The following SNTB2 variants were observed in gnomAD, a reference collection of about 807,000 sequenced individuals.
SNTB2 encodes beta-2-syntrophin.
A neutral mutation model predicts 46.2 loss-of-function variants in SNTB2; 34 were observed. The ratio of observed to expected loss-of-function variants is 0.74; its 90% CI spans 0.56 to 0.98. SNTB2 has a LOEUF of 0.98. SNTB2 is among the 50% of genes least tolerant of loss of function. SNTB2 has a pLI of 0.00. For missense variants in SNTB2, 603 were observed against 731.4 expected (o/e 0.82, Z 2.02); for synonymous variants, 290 against 312.6 (o/e 0.93, Z 0.76).
intron 2 of SNTB2, among the ~76,000 whole-genome samples, chr16:69,252,951 G>A (rs1403544705): frequency 6.8e-6 from 1 of 146,926 alleles, no homozygotes; most frequent in Non-Finnish European, 1.5e-5. Flanking sequence ...CCAGGCAGGA[G>A]TGCAGTGGCA....
intron 5 of SNTB2, among the ~76,000 whole-genome samples, chr16:69,291,163 G>A (rs988654204): frequency 1.3e-5 from 2 of 152,104 alleles, no homozygotes; most frequent in Non-Finnish European, 2.9e-5. Flanking sequence ...CACTGGGAAG[G>A]ATGCCCCAGC....
At chr16:69,294,124 C>A (rs1284587896) in intron 5 of SNTB2, among the ~76,000 whole-genome samples, 1 of 152,070 alleles carries the variant, frequency 6.6e-6, no homozygotes, top group African/African-American at 2.4e-5. Flanking sequence ...CTGAAGCAAT[C>A]CTCCCACCAC....
intron 5 of SNTB2, 64 bp downstream of exon 5, chr16:69,284,308 G>A: frequency 1.5e-6 from 2 of 1,371,118 alleles, no homozygotes. Flanking sequence ...GTCATGTGCT[G>A]CATAATGACA....
chr16:69,253,788 AT>A (rs1427048954), intron 2 of SNTB2, among the ~76,000 whole-genome samples: 2 of 152,104 alleles, frequency 1.3e-5, no homozygotes, highest in African/African-American at 4.8e-5. Flanking sequence ...TAACAGATTT[AT>A]TTTCCATTCT....
chr16:69,298,083 C>T (rs1365144064), intron 5 of SNTB2, among the ~76,000 whole-genome samples: 1 of 152,086 alleles, frequency 6.6e-6, no homozygotes, highest in African/African-American at 2.4e-5. Context: ...GGACTATAGG[C>T]ACACACCACC....
chr16:69,293,720 G>A (rs1461881977), intron 5 of SNTB2, among the ~76,000 whole-genome samples: 3 of 152,184 alleles, frequency 2.0e-5, no homozygotes, highest in Non-Finnish European at 4.4e-5. Context: ...CTGATTCAGA[G>A]GGACATGTTG....
chr16:69,270,068 G>A, intron 3 of SNTB2, 75 bp from the exon 4 acceptor site: 1 of 1,557,634 alleles, frequency 6.4e-7, no homozygotes, highest in Admixed American at 1.7e-5. Flanking sequence ...CATTGTGTTA[G>A]GCCATCATTG....
chr16:69,195,973 G>A (rs2152289049), intron 1 of SNTB2, among the ~76,000 whole-genome samples: 1 of 152,252 alleles, frequency 6.6e-6, no homozygotes, highest in Non-Finnish European at 1.5e-5. Context: ...GGGCATGTTG[G>A]CTCACACCTG....
intron 4 of SNTB2, among the ~76,000 whole-genome samples, chr16:69,273,379 G>C (rs1964956147): frequency 3.3e-5 from 5 of 152,202 alleles, no homozygotes; most frequent in African/African-American, 1.2e-4. Context: ...CCACACAGTG[G>C]AATACTATTC....
chr16:69,213,385 G>A (rs1055947725), intron 1 of SNTB2, among the ~76,000 whole-genome samples: 4 of 151,858 alleles, frequency 2.6e-5, no homozygotes, highest in East Asian at 3.9e-4. Flanking sequence ...CTTACTCAGT[G>A]GGTTGATAAT....
intron 1 of SNTB2, among the ~76,000 whole-genome samples, chr16:69,216,659 C>G (rs190258416): frequency 7.8e-4 from 119 of 151,962 alleles, no homozygotes; most frequent in Non-Finnish European, 1.8e-4. Context: ...TACTCCAGCC[C>G]CATGGGTGAC....
chr16:69,290,773 C>A (rs1287205792), intron 5 of SNTB2, among the ~76,000 whole-genome samples: 1 of 152,148 alleles, frequency 6.6e-6, no homozygotes, highest in Non-Finnish European at 1.5e-5. Context: ...TCACACACAA[C>A]TCTCTGGGGC....
intron 2 of SNTB2, among the ~76,000 whole-genome samples, chr16:69,255,908 G>A (rs1366234725): frequency 6.6e-6 from 1 of 150,970 alleles, no homozygotes; most frequent in African/African-American, 2.4e-5. Context: ...TGGGGTGGGG[G>A]GCGACGCAGT....
chr16:69,282,281 T>TG (rs1399491947), intron 4 of SNTB2, among the ~76,000 whole-genome samples: 3 of 148,180 alleles, frequency 2.0e-5, no homozygotes, highest in Non-Finnish European at 4.5e-5. Context: ...GCTAACATGG[T>TG]GAAACCCCGT....
chr16:69,265,785 C>T (rs1398112777), intron 3 of SNTB2, among the ~76,000 whole-genome samples: 1 of 150,304 alleles, frequency 6.7e-6, no homozygotes, highest in African/African-American at 2.5e-5. Flanking sequence ...CGAGATTGCA[C>T]CATTGCACTC....
chr16:69,275,246 A>G (rs1480764509), intron 4 of SNTB2, among the ~76,000 whole-genome samples: 2 of 152,050 alleles, frequency 1.3e-5, no homozygotes, highest in South Asian at 2.1e-4. Flanking sequence ...TTAATTTTTT[A>G]TGGAGGTGAG....
chr16:69,265,845 A>G lies in SNTB2; in HGVS notation c.1006-4298A>G, dbSNP rs531613018. ...CCGTGCCAAAGAAAAAAAAAAAAAA[A>G]AAAGAAATAAAATTTGGAGAAAGCT... On this transcript the variant is annotated intron_variant, in intron 3 of 6. Transcript: ENST00000336278. Among the ~76,000 whole-genome samples, 216 of 152,042 alleles carry G rather than the reference A, an allele frequency of 1.4e-3. 1 individual carries two copies. Among genetic ancestry groups the G allele is most frequent in the Middle Eastern group, 6.8e-3 (2 of 294 alleles).
rs1436252989 is a variant in SNTB2 at position 69,305,174 on chromosome 16, A to G, written c.*4250A>G. 2 of 152,610 alleles carry G rather than the reference A, an allele frequency of 1.3e-5. No individual in the cohort carries two copies. The highest frequency in any genetic ancestry group is 2.1e-4 in the South Asian group (1 of 4,826). The allele number at this position is 152,610 out of a possible 1,614,324, so 9.5% of individuals were successfully genotyped here. Reference sequence around the variant, plus strand: ...TGTGGATATATTTGTTTTCAAAGCCATGGAAGAATCTCTGTTCATATATTT... The same window carrying G: ...TGTGGATATATTTGTTTTCAAAGCCGTGGAAGAATCTCTGTTCATATATTT... On this transcript the variant is annotated 3_prime_UTR_variant, in exon 7 of 7. Coordinates refer to ENST00000336278, the MANE Select transcript of SNTB2 (RefSeq NM_006750.4).
chr16:69,234,725 C>A (rs1359612295), intron 1 of SNTB2, among the ~76,000 whole-genome samples: 1 of 146,492 alleles, frequency 6.8e-6, no homozygotes, highest in Non-Finnish European at 1.5e-5. Context: ...TTTTTCGAGA[C>A]CAAGTCTCAC....
Sources: allele counts gnomAD v4.1 joint callset (sites outside exome capture counted in the v4.1 genomes callset), GRCh38; gene constraint gnomAD v4.1.1; transcripts MANE v1.5; gene names NCBI Gene and HGNC (gene_info 2026-07-23, HGNC 2026-07-21).